The following MAP1LC3C variants were observed in gnomAD, a reference collection of about 807,000 sequenced individuals.
MAP1LC3C encodes the protein microtubule associated protein 1 light chain 3 gamma.
A neutral mutation model predicts 10.4 loss-of-function variants in MAP1LC3C; 12 were observed. The ratio of observed to expected loss-of-function variants is 1.15; its 90% CI spans 0.74 to 1.86. The LOEUF is 1.86. Among genes scored for constraint, MAP1LC3C ranks in the 40% most tolerant of loss-of-function variants. The pLI is 0.00. For synonymous variants in MAP1LC3C, 70 were observed against 69.0 expected, an observed-to-expected ratio of 1.01 and a Z score of -0.07; for missense variants, 177 against 185.7, an observed-to-expected ratio of 0.95 and a Z score of 0.27.
At chr1:242,000,376 A>T (rs1424331960), upstream of MAP1LC3C, among the ~76,000 whole-genome samples, 2 of 152,118 alleles carry the variant, frequency 1.3e-5, no homozygotes, top group Non-Finnish European at 2.9e-5. Flanking sequence ...TTACAGGCAC[A>T]TGACACCATG....
At chr1:241,997,027 T>C (rs1665100104) in intron 3 of MAP1LC3C, among the ~76,000 whole-genome samples, 1 of 151,244 alleles carries the variant, frequency 6.6e-6, no homozygotes, top group South Asian at 2.1e-4. Flanking sequence ...ACCTCCCAAG[T>C]AGCTGGGATG....
upstream of MAP1LC3C, among the ~76,000 whole-genome samples, chr1:242,000,748 C>G (rs140223192): frequency 0.013 from 1,944 of 152,274 alleles, 21 homozygotes; most frequent in Non-Finnish European, 0.018. Flanking sequence ...ACGTGTTCAG[C>G]TAGCAGAACC....
chr1:241,998,259 C>T (rs189867749), intron 3 of MAP1LC3C, among the ~76,000 whole-genome samples: 1 of 152,144 alleles, frequency 6.6e-6, no homozygotes, highest in East Asian at 1.9e-4. Flanking sequence ...CTGACCTCTG[C>T]GATCCACCTG....
intron 3 of MAP1LC3C, among the ~76,000 whole-genome samples, chr1:241,996,598 G>A (rs528036815): frequency 1.1e-4 from 17 of 152,200 alleles, no homozygotes; most frequent in Admixed American, 2.0e-4. Context: ...ACACAAAAAT[G>A]CTAAGCAAAT....
Position 241,996,362 on chromosome 1 carries a change from G to C in MAP1LC3C, c.245C>G (p.Thr82Arg). Residue 82 changes from threonine (T) to arginine (R), a missense_variant, in exon 4 of 4, where the codon ACG becomes AGG. By Grantham distance (71) the Thr-to-Arg change is moderately conservative (BLOSUM62 -1). Coordinates refer to ENST00000357246, the MANE Select transcript of MAP1LC3C (RefSeq NM_001004343.3). ...GTTCACCAGCAAGTAAAAGGCTTCC[G>C]TGGCTCTCAGGACCATGCGGCTCCT... ...IIRSRMVLRA[T>R]EAFYLLVNNK... 6.2e-7 allele frequency: 1 copy of C among 1,614,054 alleles called. No homozygotes were observed. The highest frequency in any genetic ancestry group is 8.5e-7 in the Non-Finnish European group (1 of 1,180,006).
intron 3 of MAP1LC3C, 29 bp downstream of exon 3, chr1:241,998,485 T>C (rs1387645054): frequency 6.2e-7 from 1 of 1,601,936 alleles, no homozygotes; most frequent in Non-Finnish European, 8.6e-7. Flanking sequence ...CAGCGCACCT[T>C]CCTCCGGGGC....
chr1:242,000,871 G>C (rs544268846), upstream of MAP1LC3C, among the ~76,000 whole-genome samples: 1 of 152,286 alleles, frequency 6.6e-6, no homozygotes, highest in East Asian at 1.9e-4. Flanking sequence ...AGAGGCTGGA[G>C]GTGGGGCTAA....
upstream of MAP1LC3C, among the ~76,000 whole-genome samples, chr1:242,000,772 T>G (rs2148602145): frequency 6.6e-6 from 1 of 151,988 alleles, no homozygotes; most frequent in African/African-American, 2.4e-5. Context: ...GCCTTTTGGG[T>G]TTTTACGGAG....
intron 3 of MAP1LC3C, among the ~76,000 whole-genome samples, chr1:241,997,811 C>G (rs1665114529): frequency 6.6e-6 from 1 of 151,990 alleles, no homozygotes; most frequent in Non-Finnish European, 1.5e-5. Flanking sequence ...AAGTCCCCAC[C>G]CCTAGGCACA....
chr1:242,000,792 T>C (rs1414289072), upstream of MAP1LC3C, among the ~76,000 whole-genome samples: 1 of 152,200 alleles, frequency 6.6e-6, no homozygotes, highest in African/African-American at 2.4e-5. Flanking sequence ...GGCTTCATTA[T>C]GTAAGCAAGA....
Position 241,998,540 on chromosome 1 carries a change from G to A in MAP1LC3C, c.195C>T (p.Thr65=). 1 of 1,614,090 alleles carries A rather than the reference G, an allele frequency of 6.2e-7. No individual in the cohort carries two copies. The highest frequency in any genetic ancestry group is 8.5e-7 in the Non-Finnish European group (1 of 1,180,010). The change falls in exon 3 of 4, where the codon ACC becomes ACT. Residue 65 remains threonine, a synonymous_variant. Coordinates refer to ENST00000357246, the MANE Select transcript of MAP1LC3C (RefSeq NM_001004343.3). The part of the protein sequence containing the change: ...KTKFLVPQEL[T]MTQFLSIIRS... The stretch of plus-strand genomic sequence containing the variant: ...GGATGATGCTGAGGAACTGGGTCAT[G>A]GTCAGCTCCTGCGGGACCAGGAACT...
chr1:241,998,982 G>C lies in MAP1LC3C; in HGVS notation c.27C>G (p.Ser9Arg), dbSNP rs778093002. 2 of 1,610,696 alleles carry C rather than the reference G, an allele frequency of 1.2e-6. No individual in the cohort carries two copies. The highest frequency in any genetic ancestry group is 3.4e-5 in the Admixed American group (2 of 58,850). The change falls in exon 1 of 4, where the codon AGC becomes AGG. Residue 9 changes from serine to arginine, a missense_variant. Ser to Arg is a moderately radical substitution (Grantham distance 110, BLOSUM62 -1). Coordinates refer to ENST00000357246, the MANE Select transcript of MAP1LC3C (RefSeq NM_001004343.3). MPPPQKIP[S>R]VRPFKQRKSL... ...TTTTCCTCTGCTTGAAGGGTCTGAC[G>C]CTTGGGATTTTCTGTGGAGGCGGCA...
At chr1:241,998,740 C>T in intron 2 of MAP1LC3C, 36 bp downstream of exon 2, 1 of 1,613,912 alleles carries the variant, frequency 6.2e-7, no homozygotes. Context: ...GAACCCCACC[C>T]CCACGCCCCC....
Position 241,998,568 on chromosome 1 carries a change from G to GT in MAP1LC3C, c.166dup (p.Thr56AsnfsTer56), listed in dbSNP as rs754121175. ...CAGCTCCTGCGGGACCAGGAACTTG[G>GT]TTTTGTCCAGCGGGGGCAGGAACGT... On this transcript the variant is annotated frameshift_variant, in exon 3 of 4. Transcript: ENST00000357246. LOFTEE classifies it high-confidence loss of function. 1 of 1,613,480 alleles carries GT rather than the reference G, an allele frequency of 6.2e-7. No homozygotes were observed. Among genetic ancestry groups the GT allele is most frequent in the South Asian group, 1.1e-5 (1 of 90,924 alleles).
In MAP1LC3C at chr1:241,998,550, T is replaced by G. The variant is rs1016250427; in HGVS notation, c.185A>C (p.Gln62Pro). The change falls in exon 3 of 4, where the codon CAG (glutamine) becomes CCG (proline). Residue 62 changes from glutamine (Q) to proline (P), a missense_variant. Gln to Pro is a moderately conservative substitution (Grantham distance 76). Coordinates refer to ENST00000357246, the MANE Select transcript of MAP1LC3C (RefSeq NM_001004343.3). ...PLDKTKFLVP[Q>P]ELTMTQFLSI... ...GAGGAACTGGGTCATGGTCAGCTCC[T>G]GCGGGACCAGGAACTTGGTTTTGTC... 2 of 1,613,964 alleles carry G rather than the reference T, an allele frequency of 1.2e-6. No homozygotes were observed. Among genetic ancestry groups the G allele is most frequent in the African/African-American group, 1.3e-5 (1 of 75,056 alleles).
Position 241,996,122 on chromosome 1 carries a change from T to G in MAP1LC3C, c.*41A>C, listed in dbSNP as rs757525909. The G allele has an allele frequency of 6.4e-7, 1 of 1,567,496 alleles. No homozygotes were observed. The highest frequency in any genetic ancestry group is 1.7e-5 in the Admixed American group (1 of 58,706). ...AGAAAACCAATCCCTTCTGCCAGCA[T>G]CTGACACGTCTGTCAGAGCACACAT... is the stretch of plus-strand genomic sequence containing the variant. On this transcript the variant is annotated 3_prime_UTR_variant, in exon 4 of 4. Coordinates refer to ENST00000357246, the MANE Select transcript of MAP1LC3C (RefSeq NM_001004343.3).
At chr1:241,997,617 T>C (rs1665110093) in intron 3 of MAP1LC3C, among the ~76,000 whole-genome samples, 1 of 152,220 alleles carries the variant, frequency 6.6e-6, no homozygotes, top group Non-Finnish European at 1.5e-5. Context: ...AACTTACTCA[T>C]CGGGTATATT....
chr1:241,996,925 A>AAAAAAAAAAAAAAAAAAAAT (rs1665097170), intron 3 of MAP1LC3C, among the ~76,000 whole-genome samples: 1 of 150,112 alleles, frequency 6.7e-6, no homozygotes, highest in Non-Finnish European at 1.5e-5. Context: ...AAAAAAAAAA[A>AAAAAAAAAAAAAAAAAAAAT]GAAAAGAAAT....
At chr1:241,997,694 T>C (rs1450220946) in intron 3 of MAP1LC3C, among the ~76,000 whole-genome samples, 1 of 152,192 alleles carries the variant, frequency 6.6e-6, no homozygotes, top group Non-Finnish European at 1.5e-5. Flanking sequence ...GCTTTAAGAA[T>C]AGCTGCCTGT....
Sources: gnomAD v4.1 joint callset for allele counts (sites outside exome capture counted in the v4.1 genomes callset) on GRCh38, gnomAD v4.1.1 for gene constraint, MANE v1.5 for transcripts, NCBI Gene and HGNC (gene_info 2026-07-23, HGNC 2026-07-21) for gene names.